C2CD5: variants seen among roughly 807,000 people sequenced by gnomAD.
C2CD5 encodes the protein C2 domain-containing protein 5.
Under a neutral mutation model 130.3 loss-of-function variants are expected in C2CD5, and 109 were observed. The observed-to-expected ratio is 0.84, with a 90% confidence interval of 0.72 to 0.98. The LOEUF is 0.98. Among genes scored for constraint, C2CD5 ranks in the 50% least tolerant of loss-of-function variants. The pLI, the probability that C2CD5 is intolerant of heterozygous loss-of-function variation, is 0.00. For missense variants in C2CD5, 996 were observed against 1,261.8 expected (o/e 0.79, Z 3.19); for synonymous variants, 454 against 429.2 (o/e 1.06, Z -0.71).
intron 8 of C2CD5, among the ~76,000 whole-genome samples, chr12:22,515,424 A>G (rs909181232): frequency 6.6e-6 from 1 of 152,166 alleles, no homozygotes; most frequent in African/African-American, 2.4e-5. Flanking sequence ...TGTGATTCTA[A>G]TAACTTTTAA....
chr12:22,518,200 C>T, intron 7 of C2CD5, 63 bp from the exon 8 acceptor site: 1 of 1,494,324 alleles, frequency 6.7e-7, no homozygotes, highest in Non-Finnish European at 9.3e-7. Flanking sequence ...CAGGTGGCAG[C>T]ATGATCCAAA....
At chr12:22,522,613 A>G (rs1418175552) in intron 7 of C2CD5, among the ~76,000 whole-genome samples, 1 of 152,172 alleles carries the variant, frequency 6.6e-6, no homozygotes, top group Non-Finnish European at 1.5e-5. Context: ...TCCCAGAAAA[A>G]GTTTGCCAAC....
intron 17 of C2CD5, 129 bp downstream of exon 17, chr12:22,472,614 CA>C (rs1943217032): frequency 1.4e-6 from 1 of 725,442 alleles, no homozygotes; most frequent in East Asian, 2.5e-5. Flanking sequence ...CTTGGAGTAG[CA>C]AAGTACATGA....
In C2CD5 at chr12:22,524,720, T is replaced by C. The variant is rs75906290; in HGVS notation, c.446-93A>G. On this transcript the variant is annotated intron_variant, in intron 5 of 26. Coordinates refer to ENST00000446597, the MANE Select transcript of C2CD5 (RefSeq NM_001286176.2). Reference sequence around the variant, plus strand: ...CTCAATTTTCTGACCTTTAGATACATAATACAAGAACATCTTTTACTGTAA... The same window carrying C: ...CTCAATTTTCTGACCTTTAGATACACAATACAAGAACATCTTTTACTGTAA... 1,585 of 780,032 alleles carry C rather than the reference T, an allele frequency of 2.0e-3. 14 individuals are homozygous for C. Among genetic ancestry groups the C allele is most frequent in the East Asian group, 0.02 (752 of 38,494 alleles). 48.3% of individuals were successfully genotyped at this position (780,032 alleles called of 1,614,324 possible).
At chr12:22,527,194 TACTA>T (rs1363840064) in intron 4 of C2CD5, among the ~76,000 whole-genome samples, 1 of 152,018 alleles carries the variant, frequency 6.6e-6, no homozygotes, top group African/African-American at 2.4e-5. Context: ...TGCATTTACT[TACTA>T]TACTATACAA....
intron 5 of C2CD5, among the ~76,000 whole-genome samples, chr12:22,525,307 T>G (rs1417832873): frequency 6.6e-6 from 1 of 152,146 alleles, no homozygotes; most frequent in Non-Finnish European, 1.5e-5. Context: ...TAAAAGCCTG[T>G]GTATTTTGGG....
chr12:22,488,103 G>A (rs1189603220), intron 12 of C2CD5, among the ~76,000 whole-genome samples: 1 of 151,672 alleles, frequency 6.6e-6, no homozygotes, highest in African/African-American at 2.4e-5. Context: ...TAAATGACGA[G>A]TTAATGGGTG....
chr12:22,542,143 C>A (rs1952452663), intron 2 of C2CD5, among the ~76,000 whole-genome samples: 1 of 152,242 alleles, frequency 6.6e-6, no homozygotes, highest in Non-Finnish European at 1.5e-5. Flanking sequence ...GATCTCCCTG[C>A]CACACTTCCC....
intron 3 of C2CD5, among the ~76,000 whole-genome samples, chr12:22,530,731 A>G (rs1347133008): frequency 6.6e-6 from 1 of 152,134 alleles, no homozygotes; most frequent in African/African-American, 2.4e-5. Flanking sequence ...TCCCAAGATT[A>G]TAGCTGTGAG....
chr12:22,480,730 C>T (rs896768997), intron 14 of C2CD5, among the ~76,000 whole-genome samples: 2 of 152,170 alleles, frequency 1.3e-5, no homozygotes. Context: ...AATGTCCTCA[C>T]TAGGCATACA....
At chr12:22,544,219 C>A (rs535993349) in intron 1 of C2CD5, 40 bp from the exon 2 acceptor site, 2 of 1,527,062 alleles carry the variant, frequency 1.3e-6, no homozygotes, top group Non-Finnish European at 1.8e-6. Flanking sequence ...GAGCGCGGGG[C>A]CGGCGGGAGA....
intron 3 of C2CD5, among the ~76,000 whole-genome samples, chr12:22,532,302 C>T (rs568292404): frequency 3.4e-4 from 51 of 150,906 alleles, no homozygotes; most frequent in African/African-American, 1.3e-3. Flanking sequence ...TGCCCTCCAG[C>T]CTGGGCAACG....
At chr12:22,528,147 T>C (rs1950893755) in intron 3 of C2CD5, among the ~76,000 whole-genome samples, 1 of 152,138 alleles carries the variant, frequency 6.6e-6, no homozygotes, top group Non-Finnish European at 1.5e-5. Context: ...AAAATTTAAA[T>C]CTCAATTTTT....
Position 22,500,884 on chromosome 12 carries a change from C to T in C2CD5, c.1147+5827G>A, listed in dbSNP as rs1275627270. On this transcript the variant is annotated intron_variant, in intron 10 of 26. Transcript: ENST00000446597. ...TCATATAATACATGGTACAAAGCAGCCAGGAAATACAGTGTAAATGAGCAA... is the reference window on the plus strand; with the variant it reads ...TCATATAATACATGGTACAAAGCAGTCAGGAAATACAGTGTAAATGAGCAA... 2.0e-5 allele frequency among the ~76,000 whole-genome samples: 3 copies of T among 151,974 alleles called. No individual in the cohort carries two copies. The East Asian group carries it at 5.8e-4, about 29-fold the overall frequency.
chr12:22,472,074 G>T lies in C2CD5; in HGVS notation c.2170-9C>A. The T allele has an allele frequency of 1.4e-6, 2 of 1,436,472 alleles. No individual in the cohort carries two copies. The highest frequency in any genetic ancestry group is 1.9e-6 in the Non-Finnish European group (2 of 1,028,370). 89.0% of individuals were successfully genotyped at this position (1,436,472 alleles called of 1,614,324 possible). ...CTTACTGAAGTGAACATCTAAATGT[G>T]GGGTGACATAACATGTCATTTTATT... On this transcript the variant is annotated splice_polypyrimidine_tract_variant and intron_variant, in intron 18 of 26. Transcript: ENST00000446597.
intron 4 of C2CD5, among the ~76,000 whole-genome samples, 177 bp from the exon 5 acceptor site, chr12:22,525,882 G>A (rs1423614712): frequency 1.3e-5 from 2 of 152,108 alleles, no homozygotes; most frequent in African/African-American, 4.8e-5. Context: ...AGAATTCAAT[G>A]AATTACATGA....
intron 9 of C2CD5, among the ~76,000 whole-genome samples, chr12:22,512,416 G>A (rs1278368171): frequency 6.6e-6 from 1 of 151,602 alleles, no homozygotes; most frequent in Non-Finnish European, 1.5e-5. Context: ...GAAAGCTATA[G>A]AACTATGTCT....
chr12:22,451,178 C>A (rs1395686737), intron 26 of C2CD5, among the ~76,000 whole-genome samples: 7 of 151,846 alleles, frequency 4.6e-5, no homozygotes, highest in Admixed American at 3.3e-4. Flanking sequence ...TCCATTCATA[C>A]CTTTTTGAAT....
chr12:22,465,932 C>T (rs1338754455), intron 22 of C2CD5, among the ~76,000 whole-genome samples: 1 of 151,948 alleles, frequency 6.6e-6, no homozygotes, highest in African/African-American at 2.4e-5. Context: ...AACACCAAAT[C>T]AACCATAAAT....
Sources: allele counts gnomAD v4.1 joint callset (sites outside exome capture counted in the v4.1 genomes callset), GRCh38; gene constraint gnomAD v4.1.1; transcripts MANE v1.5; gene names NCBI Gene and HGNC (gene_info 2026-07-23, HGNC 2026-07-21).